Variants in FRAS1 observed in about 807,000 individuals in gnomAD.
FRAS1 encodes extracellular matrix organizing protein FRAS1.
FRAS1 carries 290 observed loss-of-function variants against 435.2 expected under a neutral mutation model. The ratio of observed to expected loss-of-function variants is 0.67; its 90% confidence interval spans 0.61 to 0.73. FRAS1 has a LOEUF of 0.73. Ranked by LOEUF, FRAS1 falls within the 30% of genes least tolerant of loss-of-function variation. The pLI, the probability that FRAS1 is intolerant of heterozygous loss-of-function variation, is 0.00. For synonymous variants in FRAS1, 1,800 were observed against 1,851.0 expected, an observed-to-expected ratio of 0.97 and a Z score of 0.71; for missense variants, 4,860 against 5,001.5, an observed-to-expected ratio of 0.97 and a Z score of 0.85.
rs1257571855 is a variant in FRAS1 at position 78,105,987 on chromosome 4, G to A, written c.108+39971G>A. On this transcript the variant is annotated intron_variant, in intron 2 of 73. Transcript: ENST00000512123. ...TTTCCGAGTCAAAGAAAGGGGTGAC[G>A]GATGCACCTGGAAAATCGGGTCACT... 3.7e-5 allele frequency among the ~76,000 whole-genome samples: 5 copies of A among 134,296 alleles called. 1 individual carries two copies. The highest frequency in any genetic ancestry group is 2.3e-4 in the Admixed American group (3 of 12,940). 88.1% of individuals were successfully genotyped at this position (134,296 alleles called of 152,430 possible). A position where few individuals can be genotyped will look rare whatever the true frequency, so the allele number is the denominator to read the frequency against.
At chr4:78,251,027 A>C (rs1204919372) in intron 4 of FRAS1, among the ~76,000 whole-genome samples, 2 of 152,078 alleles carry the variant, frequency 1.3e-5, no homozygotes, top group South Asian at 4.2e-4. Context: ...TTTTAATTTT[A>C]TTTTATATAT....
intron 47 of FRAS1, among the ~76,000 whole-genome samples, chr4:78,463,250 A>G (rs968121): frequency 0.35 from 53,558 of 152,092 alleles, 9,750 homozygotes; most frequent in Admixed American, 0.42. Flanking sequence ...GGGATAGTTT[A>G]CCATTGTTTA....
chr4:78,259,409 T>A (rs1451521093), intron 6 of FRAS1, among the ~76,000 whole-genome samples: 1 of 147,424 alleles, frequency 6.8e-6, no homozygotes, highest in African/African-American at 2.5e-5. Flanking sequence ...CTGACTGGTG[T>A]GAGATGGTAT....
At chr4:78,540,057 C>T (rs1484735777) in intron 73 of FRAS1, among the ~76,000 whole-genome samples, 4 of 152,160 alleles carry the variant, frequency 2.6e-5, no homozygotes, top group African/African-American at 7.2e-5. Flanking sequence ...AAATGTTTGT[C>T]ACGTATCTGT....
At chr4:78,328,188 CT>C (rs1347839979) in intron 18 of FRAS1, among the ~76,000 whole-genome samples, 5 of 152,170 alleles carry the variant, frequency 3.3e-5, no homozygotes, top group Non-Finnish European at 7.3e-5. Context: ...GAAAAATAAC[CT>C]TTGTGCACAT....
rs78813556 is a variant in FRAS1 at position 78,177,690 on chromosome 4, C to T, written c.109-59820C>T. Among the ~76,000 whole-genome samples the T allele has an allele frequency of 9.5e-3, 1,443 of 152,292 alleles. 15 individuals carry two copies. Among genetic ancestry groups the T allele is most frequent in the Middle Eastern group, 0.037 (11 of 294 alleles). ...CTTCCAGCACCTGTAACTCCTGGTT[C>T]ATCACCATCAACACTAAGGCTGAAA... On this transcript the variant is annotated intron_variant, in intron 2 of 73. Coordinates refer to ENST00000512123, the MANE Select transcript of FRAS1 (RefSeq NM_025074.7).
At chr4:78,241,451 G>A (rs1443784437) in intron 3 of FRAS1, among the ~76,000 whole-genome samples, 1 of 152,138 alleles carries the variant, frequency 6.6e-6, no homozygotes, top group African/African-American at 2.4e-5. Flanking sequence ...GGAAAGGAGA[G>A]GGTTTTGTTT....
chr4:78,151,056 G>A (rs1169020881), intron 2 of FRAS1, among the ~76,000 whole-genome samples: 2 of 152,186 alleles, frequency 1.3e-5, no homozygotes, highest in African/African-American at 2.4e-5. Context: ...GCTTCAAGCT[G>A]TCTAAAGTGA....
chr4:78,513,114 T>C (rs1389942032), intron 64 of FRAS1, among the ~76,000 whole-genome samples: 1 of 151,978 alleles, frequency 6.6e-6, no homozygotes, highest in Admixed American at 6.6e-5. Flanking sequence ...TTTAAAGTAA[T>C]TTGTGGTTGT....
chr4:78,126,137 C>A (rs141259230), intron 2 of FRAS1, among the ~76,000 whole-genome samples: 1 of 152,332 alleles, frequency 6.6e-6, no homozygotes, highest in African/African-American at 2.4e-5. Flanking sequence ...CAAGCTCCAG[C>A]ATCCCAGGTT....
intron 2 of FRAS1, among the ~76,000 whole-genome samples, chr4:78,087,004 A>G (rs1172316570): frequency 6.6e-6 from 1 of 152,224 alleles, no homozygotes; most frequent in East Asian, 1.9e-4. Flanking sequence ...TCCGTGATGA[A>G]CATCGAAGCA....
rs1381955353 is a variant in FRAS1 at position 78,543,683 on chromosome 4, GAT to G, written c.*2563_*2564del. 1.3e-5 allele frequency: 2 copies of G among 152,248 alleles called. No individual in the cohort carries two copies. The highest frequency in any genetic ancestry group is 4.8e-5 in the African/African-American group (2 of 41,466). The allele number at this position is 152,248 out of a possible 1,614,324, so 9.4% of individuals were successfully genotyped here. A position where few individuals can be genotyped will look rare whatever the true frequency, so the allele number is the denominator to read the frequency against. On this transcript the variant is annotated 3_prime_UTR_variant, in exon 74 of 74. Transcript: ENST00000512123. The stretch of plus-strand genomic sequence containing the variant: ...ATAGTGTTAAGAGATGTGGAGATGA[GAT>G]ATACCCCTTTGATGTAGAATTATTC...
rs749446057 is a variant in FRAS1 at position 78,284,560 on chromosome 4, A to G, written c.1399+12A>G. ...CAGTCTCTGTTTAGGTATGGCTCCA[A>G]GTGGACAACCCAGAGGTGGTGGTGT... On this transcript the variant is annotated intron_variant, in intron 13 of 73. Coordinates refer to ENST00000512123, the MANE Select transcript of FRAS1 (RefSeq NM_025074.7). 4.4e-6 allele frequency: 7 copies of G among 1,605,324 alleles called. No homozygotes were observed.
chr4:78,266,743 T>C (rs928969060), intron 7 of FRAS1, 91 bp from the exon 8 acceptor site: 2 of 876,572 alleles, frequency 2.3e-6, no homozygotes, highest in Non-Finnish European at 3.7e-6. Context: ...CTTACAAATG[T>C]AATGAAAATT....
chr4:78,386,930 G>A (rs1270157706), intron 28 of FRAS1, among the ~76,000 whole-genome samples: 1 of 152,114 alleles, frequency 6.6e-6, no homozygotes. Context: ...AAAATTACTG[G>A]GAGGGACTAG....
At chr4:78,338,824 A>G (rs1730284685) in intron 20 of FRAS1, among the ~76,000 whole-genome samples, 1 of 152,192 alleles carries the variant, frequency 6.6e-6, no homozygotes, top group Non-Finnish European at 1.5e-5. Flanking sequence ...ACAGCAAGTC[A>G]GTGGCTGTGC....
At position 78,540,847 on chromosome 4, in the gene FRAS1, T is replaced by G. The variant is rs1022226143; in HGVS notation, c.11762T>G (p.Leu3921Trp). 6 of 1,613,984 alleles carry G rather than the reference T, an allele frequency of 3.7e-6. No homozygotes were observed. Among genetic ancestry groups the G allele is most frequent in the East Asian group, 2.2e-5 (1 of 44,882 alleles). ...AAIMLLLLVFLVACFINRKCQ... is the reference protein window; with the variant it reads ...AAIMLLLLVFWVACFINRKCQ... Reference sequence around the variant, plus strand: ...ATCATGCTTCTACTTCTGGTGTTTTTGGTGGCTTGTTTTATCAACAGGAAA... The same window carrying G: ...ATCATGCTTCTACTTCTGGTGTTTTGGGTGGCTTGTTTTATCAACAGGAAA... Residue 3921 changes from leucine to tryptophan, a missense_variant, in exon 74 of 74, where the codon TTG (leucine) becomes TGG (tryptophan). Physicochemically the swap from Leu to Trp is moderately conservative, Grantham distance 61. Coordinates refer to ENST00000512123, the MANE Select transcript of FRAS1 (RefSeq NM_025074.7).
At chr4:78,475,220 C>CA in intron 53 of FRAS1, among the ~76,000 whole-genome samples, 1 of 152,294 alleles carries the variant, frequency 6.6e-6, no homozygotes, top group South Asian at 2.1e-4. Flanking sequence ...GCAGGGAAGA[C>CA]GACATTCTGC....
At chr4:78,154,318 T>C (rs1235985880) in intron 2 of FRAS1, among the ~76,000 whole-genome samples, 1 of 152,188 alleles carries the variant, frequency 6.6e-6, no homozygotes, top group Non-Finnish European at 1.5e-5. Context: ...TTGGAGGTAA[T>C]TGTATTGCCT....
Sources: allele counts gnomAD v4.1 joint callset (sites outside exome capture counted in the v4.1 genomes callset), GRCh38; gene constraint gnomAD v4.1.1; transcripts MANE v1.5; gene names NCBI Gene and HGNC (gene_info 2026-07-23, HGNC 2026-07-21).